XIRP2: variants seen among roughly 807,000 people sequenced by gnomAD.
XIRP2 encodes xin actin binding repeat containing 2, also known as xin actin-binding repeat-containing protein 2.
Under a neutral mutation model 277.0 loss-of-function variants are expected in XIRP2, and 236 were observed. That is an observed-to-expected ratio of 0.85 (90% CI 0.77 to 0.95). The LOEUF (loss-of-function observed/expected upper bound fraction) is 0.95, where lower values mean the gene tolerates loss of function less well. XIRP2 is among the 40% of genes least tolerant of loss of function. The pLI, the probability that XIRP2 is intolerant of heterozygous loss-of-function variation, is 0.00. For synonymous variants in XIRP2, 1,490 were observed against 1,416.5 expected, an observed-to-expected ratio of 1.05 and a Z score of -1.17; for missense variants, 4,640 against 4,157.5, an observed-to-expected ratio of 1.12 and a Z score of -3.19.
At chr2:167,065,474 C>T (rs79348542) in intron 2 of XIRP2, among the ~76,000 whole-genome samples, 11,409 of 151,792 alleles carry the variant, frequency 0.075, 491 homozygotes, top group South Asian at 0.17. Flanking sequence ...GCTTTTCAGT[C>T]AGTTGACTGT....
At chr2:166,904,553 G>A (rs1033326846) in intron 2 of XIRP2, among the ~76,000 whole-genome samples, 1 of 152,098 alleles carries the variant, frequency 6.6e-6, no homozygotes, top group African/African-American at 2.4e-5. Flanking sequence ...GCTAAAGAGG[G>A]CATTTAGCCA....
intron 5 of XIRP2, among the ~76,000 whole-genome samples, chr2:167,233,675 GT>G (rs1343095067): frequency 6.6e-6 from 1 of 151,590 alleles, no homozygotes; most frequent in Non-Finnish European, 1.5e-5. Flanking sequence ...TAGGACACAT[GT>G]TACCTCTGTT....
At chr2:167,194,415 A>G (rs1415425103) in intron 3 of XIRP2, among the ~76,000 whole-genome samples, 1 of 152,138 alleles carries the variant, frequency 6.6e-6, no homozygotes, top group Non-Finnish European at 1.5e-5. Flanking sequence ...TAAAATTAGA[A>G]AAATTTCACA....
intron 2 of XIRP2, among the ~76,000 whole-genome samples, chr2:167,024,024 T>C (rs1274482204): frequency 6.6e-6 from 1 of 152,170 alleles, no homozygotes; most frequent in Non-Finnish European, 1.5e-5. Context: ...GGGATGGCAT[T>C]GAATCTATAA....
chr2:166,943,269 A>G (rs921113406), intron 2 of XIRP2, among the ~76,000 whole-genome samples: 1 of 152,202 alleles, frequency 6.6e-6, no homozygotes, highest in African/African-American at 2.4e-5. Flanking sequence ...TAGATAATAT[A>G]TAATCCATTT....
At chr2:167,214,166 GAGAA>G (rs1466910418) in intron 4 of XIRP2, among the ~76,000 whole-genome samples, 26 of 100,042 alleles carry the variant, frequency 2.6e-4, no homozygotes, top group African/African-American at 1.0e-4. Flanking sequence ...AGGAAAGAAA[GAGAA>G]AGAAGGAAGG....
chr2:167,006,661 G>A (rs1047677345), intron 2 of XIRP2, among the ~76,000 whole-genome samples: 2 of 151,690 alleles, frequency 1.3e-5, no homozygotes, highest in Non-Finnish European at 2.9e-5. Flanking sequence ...TCCTTGGGGA[G>A]CAAAGTAGAC....
intron 2 of XIRP2, among the ~76,000 whole-genome samples, chr2:167,116,276 A>G (rs1005997958): frequency 1.3e-5 from 2 of 152,142 alleles, no homozygotes; most frequent in Non-Finnish European, 2.9e-5. Context: ...CTATTTCTCT[A>G]TTCAGTTCTA....
At chr2:166,998,119 T>C (rs144388517) in intron 2 of XIRP2, among the ~76,000 whole-genome samples, 1 of 152,336 alleles carries the variant, frequency 6.6e-6, no homozygotes, top group Admixed American at 6.5e-5. Context: ...GATTTCATTA[T>C]GTTTAAAAAT....
chr2:167,086,772 A>G (rs7425817), intron 2 of XIRP2, among the ~76,000 whole-genome samples: 102,138 of 145,048 alleles, frequency 0.7, 38,165 homozygotes, highest in Non-Finnish European at 0.83. Flanking sequence ...CGTAGTTCTC[A>G]AGCCTTGGTT....
intron 2 of XIRP2, among the ~76,000 whole-genome samples, chr2:167,113,521 T>C (rs1371188940): frequency 6.6e-6 from 1 of 152,210 alleles, no homozygotes. Flanking sequence ...CCCTTCATTT[T>C]GAGCCTATGG....
rs780799625 is a variant in XIRP2, at chr2:167,247,632, CA to C, written c.6241del (p.Arg2081AspfsTer3). 1 of 1,613,642 alleles carries C rather than the reference CA, an allele frequency of 6.2e-7. No homozygotes were observed. Among genetic ancestry groups the C allele is most frequent in the South Asian group, 1.1e-5 (1 of 91,070 alleles). On this transcript the variant is annotated frameshift_variant, in exon 9 of 11. Transcript: ENST00000409195. LOFTEE classifies it high-confidence loss of function. Reference protein sequence around the residue: ...EQHLRDEYMSRQLTSTVSVKN... With the variant: ...EQHLRDEYMSXQLTSTVSVKN... ...AGCATCTTAGAGATGAATATATGAG[CA>C]GACAATTAACTTCAACTGTGTCAGT...
At chr2:166,954,766 C>T (rs1020485024) in intron 2 of XIRP2, among the ~76,000 whole-genome samples, 6 of 151,782 alleles carry the variant, frequency 4.0e-5, no homozygotes, top group African/African-American at 1.5e-4. Flanking sequence ...ATGTCCTTTG[C>T]AGGGACATGA....
intron 5 of XIRP2, among the ~76,000 whole-genome samples, chr2:167,222,588 T>C (rs149903757): frequency 6.6e-6 from 1 of 152,330 alleles, no homozygotes; most frequent in African/African-American, 2.4e-5. Context: ...CAGTGTTTTA[T>C]GCTAGTGAAA....
intron 3 of XIRP2, among the ~76,000 whole-genome samples, chr2:167,147,947 A>C (rs1358999055): frequency 6.6e-6 from 1 of 152,230 alleles, no homozygotes; most frequent in African/African-American, 2.4e-5. Flanking sequence ...AAGAGCAAAA[A>C]TTAAAGGATC....
intron 2 of XIRP2, among the ~76,000 whole-genome samples, chr2:167,084,619 T>G (rs1296454993): frequency 1.5e-3 from 223 of 151,846 alleles, no homozygotes; most frequent in African/African-American, 4.5e-3. Context: ...CAATTTCAGA[T>G]CCTGTTATTG....
At chr2:167,083,545 T>G (rs1689813912) in intron 2 of XIRP2, among the ~76,000 whole-genome samples, 1 of 152,256 alleles carries the variant, frequency 6.6e-6, no homozygotes, top group African/African-American at 2.4e-5. Flanking sequence ...AGTATGGCCA[T>G]TTTCATGATA....
Position 167,251,220 on chromosome 2 carries a change from A to G in XIRP2, c.9828A>G (p.Gly3276=), listed in dbSNP as rs569589356. The change falls in exon 9 of 11, where the codon GGA becomes GGG. Residue 3276 remains glycine (G), a synonymous_variant. Coordinates refer to ENST00000409195, the MANE Select transcript of XIRP2 (RefSeq NM_152381.6). ...GAGCTACTTATGTTCATAAAGATGG[A>G]CTAAATTCCACTGATCACATGGTGC... ...EKRATYVHKD[G]LNSTDHMVPD... 3 of 1,613,568 alleles carry G rather than the reference A, an allele frequency of 1.9e-6. No individual in the cohort carries two copies. Among genetic ancestry groups the G allele is most frequent in the East Asian group, 4.5e-5 (2 of 44,830 alleles).
At chr2:166,997,215 A>G (rs145069168) in intron 2 of XIRP2, among the ~76,000 whole-genome samples, 5 of 152,168 alleles carry the variant, frequency 3.3e-5, no homozygotes, top group African/African-American at 1.2e-4. Context: ...TCTCCAACCT[A>G]CCTTTTATTC....
Sources: gnomAD v4.1 joint callset for allele counts (sites outside exome capture counted in the v4.1 genomes callset) on GRCh38, gnomAD v4.1.1 for gene constraint, MANE v1.5 for transcripts, NCBI Gene and HGNC (gene_info 2026-07-23, HGNC 2026-07-21) for gene names.